Variants in PPM1F observed in about 807,000 individuals in gnomAD.
PPM1F encodes protein phosphatase, Mg2+/Mn2+ dependent 1F.
A neutral mutation model predicts 35.5 loss-of-function variants in PPM1F; 17 were observed. That is an observed-to-expected ratio of 0.48 (90% CI 0.33 to 0.72). PPM1F has a LOEUF of 0.72. Among genes scored for constraint, PPM1F ranks in the 30% least tolerant of loss-of-function variants. The pLI is 0.02. For synonymous variants in PPM1F, 241 were observed against 255.5 expected (o/e 0.94, Z 0.54); for missense variants, 521 against 613.0 (o/e 0.85, Z 1.59).
intron 3 of PPM1F, chr22:21,935,290 T>C (rs1198040155): frequency 1.3e-5 from 2 of 152,166 alleles, no homozygotes; most frequent in Admixed American, 1.3e-4. Flanking sequence ...GTTCTTGAAA[T>C]AATAAAATGG....
intron 2 of PPM1F, chr22:21,942,117 G>A (rs1391288810): frequency 1.3e-5 from 2 of 152,360 alleles, no homozygotes; most frequent in African/African-American, 4.8e-5. Context: ...GCCTGGGGTG[G>A]CGAGGTGATT....
At chr22:21,928,810 C>T (rs1285379203) in intron 6 of PPM1F, among the ~76,000 whole-genome samples, 2 of 152,194 alleles carry the variant, frequency 1.3e-5, no homozygotes, top group Admixed American at 6.5e-5. Context: ...GCAGGAATTG[C>T]AACTGCCTGA....
In PPM1F at chr22:21,921,020, G is replaced by T. The variant is rs533336379; in HGVS notation, c.*2072C>A. The stretch of plus-strand genomic sequence containing the variant: ...TGAATGTCTGAATGACAGCGACTAT[G>T]TTTAAGGTTTTTTTTTGTAAATAAG... On this transcript the variant is annotated 3_prime_UTR_variant, in exon 8 of 8. Coordinates refer to ENST00000263212, the MANE Select transcript of PPM1F (RefSeq NM_014634.4). 3 of 152,430 alleles carry T rather than the reference G, an allele frequency of 2.0e-5. No homozygotes were observed. Among genetic ancestry groups the T allele is most frequent in the African/African-American group, 7.2e-5 (3 of 41,546 alleles). 9.4% of individuals were successfully genotyped at this position (152,430 alleles called of 1,614,324 possible). A position where few individuals can be genotyped will look rare whatever the true frequency, so the allele number is the denominator to read the frequency against.
At chr22:21,931,037 G>A in intron 6 of PPM1F, 111 bp downstream of exon 6, 1 of 1,507,672 alleles carries the variant, frequency 6.6e-7, no homozygotes, top group Non-Finnish European at 8.9e-7. Context: ...CCTCTTGAAA[G>A]GTGCCAGGAT....
In PPM1F at chr22:21,939,932, T is replaced by C. The variant is rs111415940; in HGVS notation, c.207-252A>G. Among the ~76,000 whole-genome samples the C allele has an allele frequency of 0.01, 1,541 of 152,208 alleles. 19 individuals carry two copies. Among genetic ancestry groups the C allele is most frequent in the African/African-American group, 0.035 (1,444 of 41,532 alleles). ...TGATGGGCAAGTAAACTGCCTGACA[T>C]CCATGCTGATGATGGCTCCTGGCCA... On this transcript the variant is annotated intron_variant, in intron 2 of 7. Coordinates refer to ENST00000263212, the MANE Select transcript of PPM1F (RefSeq NM_014634.4). This position sits in a 1 kb window ranked among gnomAD's most constrained non-coding sequence, Gnocchi z 5.1.
At chr22:21,942,549 C>T (rs1483501240) in intron 2 of PPM1F, 1 of 152,272 alleles carries the variant, frequency 6.6e-6, no homozygotes, top group African/African-American at 2.4e-5. Flanking sequence ...TTGGGGGTTT[C>T]CTGCCAACTG....
intron 1 of PPM1F, 171 bp downstream of exon 1, chr22:21,952,621 C>T (rs949707108): frequency 6.6e-6 from 1 of 152,018 alleles, no homozygotes; most frequent in Non-Finnish European, 1.5e-5. Flanking sequence ...ACCCCCGCAC[C>T]CTTTCGGTGC....
chr22:21,938,720 C>A (rs549392942), intron 3 of PPM1F: 5 of 441,370 alleles, frequency 1.1e-5, no homozygotes, highest in East Asian at 3.1e-4. Context: ...GTTGCTACCC[C>A]CTTGTGGCAC....
rs143895538 is a variant in PPM1F at position 21,920,177 on chromosome 22, C to T, written c.*2915G>A. On this transcript the variant is annotated 3_prime_UTR_variant, in exon 8 of 8. Coordinates refer to ENST00000263212, the MANE Select transcript of PPM1F (RefSeq NM_014634.4). ...AATAAGACTTAACCACCCCAACCTGCTGGCAGCAGGAGGGCCCCTGTGTGC... is the reference window on the plus strand; with the variant it reads ...AATAAGACTTAACCACCCCAACCTGTTGGCAGCAGGAGGGCCCCTGTGTGC... 5.4e-3 allele frequency: 827 copies of T among 152,628 alleles called. 6 individuals carry two copies. Among genetic ancestry groups the T allele is most frequent in the Middle Eastern group, 0.044 (13 of 294 alleles). 9.5% of individuals were successfully genotyped at this position (152,628 alleles called of 1,614,324 possible).
At chr22:21,938,158 G>A (rs1286510357) in intron 3 of PPM1F, 57 of 1,303,016 alleles carry the variant, frequency 4.4e-5, no homozygotes, top group Non-Finnish European at 5.4e-5. Context: ...CAGGAGCCCC[G>A]AGCGTAGGAC....
At position 21,921,710 on chromosome 22, in the gene PPM1F, G is replaced by A. The variant is rs1468685497; in HGVS notation, c.*1382C>T. On this transcript the variant is annotated 3_prime_UTR_variant, in exon 8 of 8. Transcript: ENST00000263212. ...TCCCTGCTGCCTCCAGACTGAGACA[G>A]AGACCCACGGGCTGCCTCTGTGCTT... The A allele has an allele frequency of 3.3e-5, 5 of 152,310 alleles. No individual in the cohort carries two copies. Among genetic ancestry groups the A allele is most frequent in the African/African-American group, 1.2e-4 (5 of 41,472 alleles). The allele number at this position is 152,310 out of a possible 1,614,324, so 9.4% of individuals were successfully genotyped here. A position where few individuals can be genotyped will look rare whatever the true frequency, so the allele number is the denominator to read the frequency against.
At chr22:21,936,588 A>G (rs1409429784) in intron 3 of PPM1F, 2 of 152,180 alleles carry the variant, frequency 1.3e-5, no homozygotes, top group Non-Finnish European at 2.9e-5. Flanking sequence ...GTTACGAAAC[A>G]AAGAGGCCCT....
At position 21,944,622 on chromosome 22, in the gene PPM1F, G is replaced by A. The variant is rs1384030433; in HGVS notation, c.206+1221C>T. ...GACTAGGTTCACAGAAACAGCACGC[G>A]GCCCACCAGCCTGCTCACCTCCATG... On this transcript the variant is annotated intron_variant, in intron 2 of 7. Transcript: ENST00000263212. The A allele has an allele frequency of 3.3e-5, 5 of 152,114 alleles. No homozygotes were observed. In the East Asian group the frequency reaches 9.6e-4, roughly 29 times the overall value. 9.4% of individuals were successfully genotyped at this position (152,114 alleles called of 1,614,324 possible).
intron 6 of PPM1F, among the ~76,000 whole-genome samples, chr22:21,926,277 G>C (rs1268936050): frequency 6.6e-6 from 1 of 151,930 alleles, no homozygotes; most frequent in African/African-American, 2.4e-5. Context: ...GACTACAGGG[G>C]CGTGCCACCA....
chr22:21,933,267 C>A, intron 5 of PPM1F, 124 bp downstream of exon 5: 3 of 896,116 alleles, frequency 3.3e-6, no homozygotes, highest in Non-Finnish European at 4.9e-6. Context: ...AATGGCAGGA[C>A]CACCGGCAGT....
intron 2 of PPM1F, chr22:21,944,019 CCTGGT>C (rs1479823750): frequency 6.6e-6 from 1 of 152,444 alleles, no homozygotes; most frequent in Admixed American, 6.5e-5. Context: ...TGCAGAACTC[CCTGGT>C]CTGGACTCCC....
chr22:21,919,803 G>C lies in PPM1F; in HGVS notation c.*3289C>G, dbSNP rs565384690. ...TAGCTTGGGACGAGGCTAGGCCTAA[G>C]AAGGGCCAGAGCTGTCCTCCCAGCC... On this transcript the variant is annotated 3_prime_UTR_variant, in exon 8 of 8. Coordinates refer to ENST00000263212, the MANE Select transcript of PPM1F (RefSeq NM_014634.4). The C allele has an allele frequency of 1.3e-5, 2 of 152,456 alleles. No individual in the cohort carries two copies. The highest frequency in any genetic ancestry group is 1.9e-4 in the East Asian group (1 of 5,182). 9.4% of individuals were successfully genotyped at this position (152,456 alleles called of 1,614,324 possible).
intron 6 of PPM1F, among the ~76,000 whole-genome samples, chr22:21,927,752 G>A (rs1266386699): frequency 2.6e-5 from 4 of 152,258 alleles, no homozygotes; most frequent in South Asian, 2.1e-4. Flanking sequence ...AGGCTGCGCC[G>A]GCTCCCCGGG....
At chr22:21,952,089 G>C (rs886956337) in intron 1 of PPM1F, 13 of 152,378 alleles carry the variant, frequency 8.5e-5, no homozygotes, top group African/African-American at 3.1e-4. Flanking sequence ...CCACCATGCA[G>C]TGGGCCTCAC....
Sources: gnomAD v4.1 joint callset for allele counts (sites outside exome capture counted in the v4.1 genomes callset) on GRCh38, gnomAD v4.1.1 for gene constraint, Gnocchi (gnomAD v3.1) non-coding constraint, MANE v1.5 for transcripts, NCBI Gene and HGNC (gene_info 2026-07-23, HGNC 2026-07-21) for gene names.